ZFHX3: variants seen among roughly 807,000 people sequenced by gnomAD.
ZFHX3 encodes zinc finger homeobox 3.
Under a neutral mutation model 279.1 loss-of-function variants are expected in ZFHX3, and 42 were observed. That is an observed-to-expected ratio of 0.15 (90% CI 0.12 to 0.19). The LOEUF is 0.19. Among genes scored for constraint, ZFHX3 ranks in the 10% least tolerant of loss-of-function variants. The pLI, the probability that ZFHX3 is intolerant of heterozygous loss-of-function variation, is 1.00. For synonymous variants in ZFHX3, 2,293 were observed against 1,957.8 expected (o/e 1.17, Z -4.52); for missense variants, 4,981 against 4,754.0 (o/e 1.05, Z -1.40).
Position 72,787,590 on chromosome 16 carries a change from T to C in ZFHX3, c.10686A>G (p.Ala3562=). 1 of 1,613,928 alleles carries C rather than the reference T, an allele frequency of 6.2e-7. No individual in the cohort carries two copies. ...AACTAGGGTGCTCTTTGGCGTTTCT[T>C]GCTGCTCTCGTGATTGTTCTGTGTT... ...LHKHRTITRA[A]RNAKEHPSLL... Residue 3562 remains alanine, a synonymous_variant, in exon 10 of 10, where the codon GCA becomes GCG. Transcript: ENST00000268489.
At chr16:73,384,085 G>A (rs561048332) in intron 3 of ZFHX3, among the ~76,000 whole-genome samples, 1 of 152,312 alleles carries the variant, frequency 6.6e-6, no homozygotes, top group Admixed American at 6.5e-5. Context: ...CCCCCAAACA[G>A]AGGCAACAAC....
At chr16:73,684,295 T>C (rs1369037844) in intron 1 of ZFHX3, among the ~76,000 whole-genome samples, 1 of 152,078 alleles carries the variant, frequency 6.6e-6, no homozygotes, top group Admixed American at 6.6e-5. Flanking sequence ...ATTATTAATA[T>C]GATTACTTTG....
intron 3 of ZFHX3, among the ~76,000 whole-genome samples, chr16:73,356,026 T>G (rs1048432488): frequency 2.6e-5 from 4 of 152,176 alleles, no homozygotes; most frequent in African/African-American, 9.7e-5. Flanking sequence ...CTTTCCATTC[T>G]GCTTAGAATT....
chr16:73,592,902 T>C (rs573854596), intron 2 of ZFHX3, among the ~76,000 whole-genome samples: 3 of 149,198 alleles, frequency 2.0e-5, no homozygotes, highest in Non-Finnish European at 4.5e-5. Context: ...AAGAAAACAA[T>C]GGAAAAGGAT....
chr16:73,655,499 A>G (rs1005354205), intron 2 of ZFHX3, among the ~76,000 whole-genome samples: 3 of 152,236 alleles, frequency 2.0e-5, no homozygotes, highest in East Asian at 3.8e-4. Context: ...CAGTTAGAAA[A>G]TAACATTTAA....
intron 3 of ZFHX3, among the ~76,000 whole-genome samples, chr16:72,935,270 C>A (rs1054441182): frequency 1.3e-5 from 2 of 152,100 alleles, no homozygotes; most frequent in African/African-American, 4.8e-5. Context: ...TATGTTCTGC[C>A]ACCAAAAATG....
At chr16:73,456,947 G>A (rs1443126912) in intron 2 of ZFHX3, among the ~76,000 whole-genome samples, 1 of 152,220 alleles carries the variant, frequency 6.6e-6, no homozygotes, top group East Asian at 1.9e-4. Context: ...CCAAAACTCC[G>A]CTTCAGCGAG....
At position 73,056,500 on chromosome 16, in the gene ZFHX3, G is replaced by A. The variant is rs147486635; in HGVS notation, c.-24+2030C>T. Among the ~76,000 whole-genome samples, 989 of 151,982 alleles carry A rather than the reference G, an allele frequency of 6.5e-3. 4 individuals are homozygous for A. Among genetic ancestry groups the A allele is most frequent in the Middle Eastern group, 0.01 (3 of 294 alleles). On this transcript the variant is annotated intron_variant, in intron 1 of 8. Coordinates refer to the ZFHX3 transcript ENST00000397992. ...ACCCCCCACTCCCCTCAACCCACAG[G>A]ATGTCTACACTTTGGGGGTTCAGCT...
intron 8 of ZFHX3, among the ~76,000 whole-genome samples, chr16:73,068,193 C>G (rs147856571): frequency 6.6e-6 from 1 of 152,328 alleles, no homozygotes; most frequent in East Asian, 1.9e-4. Flanking sequence ...TAAGGTCACA[C>G]AGCTATTAAG....
intron 3 of ZFHX3, among the ~76,000 whole-genome samples, chr16:73,330,537 G>T (rs2015781790): frequency 6.6e-6 from 1 of 152,176 alleles, no homozygotes; most frequent in Non-Finnish European, 1.5e-5. Context: ...GTCAGAAACT[G>T]CATTGGTTGT....
At chr16:73,750,536 T>C (rs986636465) in intron 1 of ZFHX3, among the ~76,000 whole-genome samples, 6 of 152,040 alleles carry the variant, frequency 3.9e-5, no homozygotes, top group African/African-American at 1.4e-4. Flanking sequence ...GTTGAAAAAA[T>C]GCAGATGATC....
chr16:72,888,738 C>T (rs916724605), intron 4 of ZFHX3, among the ~76,000 whole-genome samples: 8 of 152,142 alleles, frequency 5.3e-5, no homozygotes, highest in African/African-American at 1.9e-4. Flanking sequence ...CCCAGCAGGT[C>T]CTGGGCTGTG....
intron 3 of ZFHX3, among the ~76,000 whole-genome samples, chr16:73,409,998 G>A (rs2017435209): frequency 6.6e-6 from 1 of 151,050 alleles, no homozygotes; most frequent in South Asian, 2.1e-4. Context: ...AGGGGGGTGG[G>A]TGCAGGTGGG....
chr16:73,780,013 T>C (rs1453121510), intron 1 of ZFHX3, among the ~76,000 whole-genome samples: 1 of 149,828 alleles, frequency 6.7e-6, no homozygotes, highest in Non-Finnish European at 1.5e-5. Context: ...AGACTTTTTT[T>C]TCTCTCTTCA....
At chr16:73,302,555 T>G (rs2015080891) in intron 4 of ZFHX3, among the ~76,000 whole-genome samples, 1 of 152,196 alleles carries the variant, frequency 6.6e-6, no homozygotes, top group African/African-American at 2.4e-5. Flanking sequence ...GAATCATGAC[T>G]CCGAATACCC....
At chr16:73,184,973 T>G (rs1181213542) in intron 5 of ZFHX3, among the ~76,000 whole-genome samples, 1 of 148,492 alleles carries the variant, frequency 6.7e-6, no homozygotes, top group Non-Finnish European at 1.5e-5. Context: ...TTAAGGAACA[T>G]GCACCATCTC....
At chr16:72,938,986 A>C (rs1960271492) in intron 3 of ZFHX3, among the ~76,000 whole-genome samples, 1 of 150,458 alleles carries the variant, frequency 6.6e-6, no homozygotes, top group Non-Finnish European at 1.5e-5. Flanking sequence ...CTGGCTTCGG[A>C]GTCACACTTG....
intron 2 of ZFHX3, among the ~76,000 whole-genome samples, chr16:73,660,731 A>G (rs1246177296): frequency 2.6e-5 from 4 of 152,168 alleles, no homozygotes; most frequent in Non-Finnish European, 5.9e-5. Flanking sequence ...CTTTTTCATC[A>G]AAAACAAAAT....
Position 73,764,475 on chromosome 16 carries a change from T to C in ZFHX3, c.-1607-84235A>G, listed in dbSNP as rs16972522. On this transcript the variant is annotated intron_variant, in intron 1 of 17. Transcript: ENST00000641206. ...GGGGAAGGCAGAGCTTTATCCTCCA[T>C]AGGGAAGCAGAGAATTCATAGTGAT... Among the ~76,000 whole-genome samples, 836 of 152,246 alleles carry C rather than the reference T, an allele frequency of 5.5e-3. 10 individuals carry two copies. The highest frequency in any genetic ancestry group is 0.019 in the African/African-American group (804 of 41,560).
Sources: allele counts gnomAD v4.1 joint callset (sites outside exome capture counted in the v4.1 genomes callset), GRCh38; gene constraint gnomAD v4.1.1; transcripts MANE v1.5; gene names NCBI Gene and HGNC (gene_info 2026-07-23, HGNC 2026-07-21).